KIZ: variants seen among roughly 807,000 people sequenced by gnomAD.
KIZ encodes the protein centrosomal protein kizuna.
KIZ carries 68 observed loss-of-function variants against 79.6 expected under a neutral mutation model. The observed-to-expected ratio is 0.85, with a 90% CI of 0.70 to 1.05. KIZ has a LOEUF of 1.05. Ranked by LOEUF, KIZ falls within the 50% of genes least tolerant of loss-of-function variation. KIZ has a pLI of 0.00. For missense variants in KIZ, 797 were observed against 800.4 expected, an observed-to-expected ratio of 1.00 and a Z score of 0.05; for synonymous variants, 280 against 281.8, an observed-to-expected ratio of 0.99 and a Z score of 0.06.
chr20:21,194,331 A>G (rs1227252608), intron 6 of KIZ: 1 of 152,234 alleles, frequency 6.6e-6, no homozygotes, highest in African/African-American at 2.4e-5. Flanking sequence ...TCCTCAGGCC[A>G]GTGCCCTTCT....
chr20:21,150,688 G>A (rs1158986958), intron 4 of KIZ, among the ~76,000 whole-genome samples: 1 of 152,164 alleles, frequency 6.6e-6, no homozygotes, highest in Non-Finnish European at 1.5e-5. Flanking sequence ...AACTACATCT[G>A]CAGATCTGCA....
chr20:21,186,101 A>G (rs966282656), intron 6 of KIZ, among the ~76,000 whole-genome samples: 1 of 152,092 alleles, frequency 6.6e-6, no homozygotes, highest in Non-Finnish European at 1.5e-5. Flanking sequence ...TGATTTTTAT[A>G]TTGTGTACAT....
At chr20:21,192,219 A>G (rs2035137079) in intron 6 of KIZ, among the ~76,000 whole-genome samples, 1 of 150,896 alleles carries the variant, frequency 6.6e-6, no homozygotes. Flanking sequence ...TTTCTGAATT[A>G]CATGTTCATC....
At chr20:21,163,213 C>A in intron 6 of KIZ, 54 bp downstream of exon 6, 1 of 1,202,792 alleles carries the variant, frequency 8.3e-7, no homozygotes, top group South Asian at 1.4e-5. Flanking sequence ...GTAGACATTT[C>A]TAGAGACCAT....
intron 9 of KIZ, among the ~76,000 whole-genome samples, chr20:21,218,852 C>A (rs888870553): frequency 3.9e-5 from 6 of 152,132 alleles, no homozygotes; most frequent in African/African-American, 1.4e-4. Context: ...TTTTGGGCTA[C>A]CTTAGTGTAA....
chr20:21,194,477 T>G (rs2035253649), intron 6 of KIZ: 1 of 152,238 alleles, frequency 6.6e-6, no homozygotes, highest in African/African-American at 2.4e-5. Flanking sequence ...TTAGTTGAGT[T>G]CTTTTGAGCA....
At chr20:21,204,438 C>A (rs2035729919) in intron 6 of KIZ, among the ~76,000 whole-genome samples, 1 of 151,836 alleles carries the variant, frequency 6.6e-6, no homozygotes, top group East Asian at 1.9e-4. Flanking sequence ...AGGCTGAATC[C>A]AAAGGTTTAT....
At chr20:21,138,949 T>C (rs2032356147) in intron 3 of KIZ, 1 of 148,574 alleles carries the variant, frequency 6.7e-6, no homozygotes, top group Non-Finnish European at 1.5e-5. Flanking sequence ...TTTTTTTTTT[T>C]TAAAGCCTAC....
intron 2 of KIZ, among the ~76,000 whole-genome samples, chr20:21,133,627 G>A (rs1001323811): frequency 2.0e-5 from 3 of 152,222 alleles, no homozygotes; most frequent in Admixed American, 6.5e-5. Context: ...CTAAAAATAG[G>A]CTTGCTTAGA....
intron 4 of KIZ, among the ~76,000 whole-genome samples, chr20:21,155,810 T>A (rs1445462204): frequency 6.6e-6 from 1 of 152,242 alleles, no homozygotes; most frequent in East Asian, 1.9e-4. Context: ...TATTTTATAG[T>A]CATATAAGTT....
intron 4 of KIZ, among the ~76,000 whole-genome samples, chr20:21,152,065 G>A (rs1489146824): frequency 1.3e-5 from 2 of 152,078 alleles, no homozygotes; most frequent in African/African-American, 2.4e-5. Context: ...AGCAGGTTGC[G>A]GAGAGTTGCT....
chr20:21,127,153 T>A (rs1305273017), intron 1 of KIZ, among the ~76,000 whole-genome samples: 1 of 152,250 alleles, frequency 6.6e-6, no homozygotes, highest in Admixed American at 6.5e-5. Context: ...ATTTAATTCT[T>A]GTCAGATATT....
intron 11 of KIZ, among the ~76,000 whole-genome samples, chr20:21,243,186 C>T (rs896478330): frequency 6.6e-6 from 1 of 151,910 alleles, no homozygotes; most frequent in African/African-American, 2.4e-5. Flanking sequence ...GTCTTCCATG[C>T]TTCATGGAGA....
At chr20:21,217,713 A>G (rs752029264) in intron 9 of KIZ, among the ~76,000 whole-genome samples, 23 of 152,118 alleles carry the variant, frequency 1.5e-4, no homozygotes, top group Non-Finnish European at 2.9e-4. Context: ...GTTTAAATGA[A>G]ATCATTTGTG....
chr20:21,157,415 C>G (rs777259838), intron 4 of KIZ, among the ~76,000 whole-genome samples: 11 of 152,132 alleles, frequency 7.2e-5, no homozygotes, highest in Non-Finnish European at 1.6e-4. Context: ...TCTGGCAATG[C>G]TTGGCAAAAT....
intron 4 of KIZ, among the ~76,000 whole-genome samples, chr20:21,152,084 G>A (rs1191424364): frequency 6.6e-6 from 1 of 152,132 alleles, no homozygotes; most frequent in East Asian, 1.9e-4. Flanking sequence ...CTTACAACAT[G>A]CTCTCACTTT....
At chr20:21,172,286 C>T (rs1193365691) in intron 6 of KIZ, among the ~76,000 whole-genome samples, 1 of 152,076 alleles carries the variant, frequency 6.6e-6, no homozygotes, top group African/African-American at 2.4e-5. Context: ...GAAATATAAA[C>T]CAGTAAACAA....
chr20:21,147,662 C>T (rs1178210746), intron 4 of KIZ, among the ~76,000 whole-genome samples: 1 of 152,164 alleles, frequency 6.6e-6, no homozygotes, highest in African/African-American at 2.4e-5. Flanking sequence ...TCTATGAAGG[C>T]CACAATTTTC....
At chr20:21,195,232 A>G (rs968896498) in intron 6 of KIZ, 1 of 152,262 alleles carries the variant, frequency 6.6e-6, no homozygotes, top group Non-Finnish European at 1.5e-5. Flanking sequence ...GTTATCTGGG[A>G]TTTGTCCTGG....
Sources: allele counts gnomAD v4.1 joint callset (sites outside exome capture counted in the v4.1 genomes callset), GRCh38; gene constraint gnomAD v4.1.1; transcripts MANE v1.5; gene names NCBI Gene and HGNC (gene_info 2026-07-23, HGNC 2026-07-21).